ROBO1: variants seen among roughly 807,000 people sequenced by gnomAD.
The protein encoded by ROBO1 is roundabout guidance receptor 1.
ROBO1 carries 149 observed loss-of-function variants against 195.9 expected under a neutral mutation model. The observed-to-expected ratio is 0.76, with a 90% CI of 0.67 to 0.87. The LOEUF (loss-of-function observed/expected upper bound fraction) is 0.87. Ranked by LOEUF, ROBO1 falls within the 40% of genes least tolerant of loss-of-function variation. The pLI, the probability that ROBO1 is intolerant of heterozygous loss-of-function variation, is 0.00. For synonymous variants in ROBO1, 816 were observed against 733.2 expected (o/e 1.11, Z -1.82); for missense variants, 1,933 against 2,068.3 (o/e 0.93, Z 1.27).
Position 78,810,914 on chromosome 3 carries a change from C to T in ROBO1, c.500-64014G>A, listed in dbSNP as rs2108626057. 2.0e-5 allele frequency among the ~76,000 whole-genome samples: 3 copies of T among 152,192 alleles called. No individual in the cohort carries two copies. In the Middle Eastern group the frequency reaches 0.01, roughly 521 times the overall value. On this transcript the variant is annotated intron_variant, in intron 4 of 30. Transcript: ENST00000464233. Reference sequence around the variant, plus strand: ...GCCTTTCCTTACCTTAGTAATTTTCCTACTTTCAATCAACCTGCTCAAGAA... The same window carrying T: ...GCCTTTCCTTACCTTAGTAATTTTCTTACTTTCAATCAACCTGCTCAAGAA...
chr3:79,551,888 T>TA (rs1161053862), intron 2 of ROBO1, among the ~76,000 whole-genome samples: 1 of 147,222 alleles, frequency 6.8e-6, no homozygotes, highest in Non-Finnish European at 1.5e-5. Context: ...GGTCAGGAAT[T>TA]AAAGTATTTT....
chr3:79,474,210 C>T (rs1333023255), intron 2 of ROBO1, among the ~76,000 whole-genome samples: 1 of 152,068 alleles, frequency 6.6e-6, no homozygotes, highest in Non-Finnish European at 1.5e-5. Context: ...CAAGTGTGTA[C>T]AAATTCCAAA....
chr3:79,688,713 A>C (rs1364157443), intron 1 of ROBO1, among the ~76,000 whole-genome samples: 1 of 152,122 alleles, frequency 6.6e-6, no homozygotes, highest in Admixed American at 6.6e-5. Flanking sequence ...AATTCAAATC[A>C]AAACTATCGC....
chr3:78,755,768 G>A (rs1166124846), intron 4 of ROBO1, among the ~76,000 whole-genome samples: 1 of 152,042 alleles, frequency 6.6e-6, no homozygotes, highest in Non-Finnish European at 1.5e-5. Context: ...CCTTCTACGA[G>A]GAGGAACAAC....
intron 2 of ROBO1, among the ~76,000 whole-genome samples, chr3:79,414,586 A>C (rs2037919696): frequency 6.6e-6 from 1 of 152,140 alleles, no homozygotes; most frequent in South Asian, 2.1e-4. Context: ...ACCTCATTAC[A>C]TTTATTCCTT....
At chr3:79,503,385 A>G (rs1463317636) in intron 2 of ROBO1, among the ~76,000 whole-genome samples, 1 of 152,200 alleles carries the variant, frequency 6.6e-6, no homozygotes, top group East Asian at 1.9e-4. Context: ...TGTGCTTTTA[A>G]GAACTGTACC....
intron 3 of ROBO1, among the ~76,000 whole-genome samples, chr3:79,067,153 G>GA (rs367741770): frequency 2.6e-5 from 4 of 152,064 alleles, no homozygotes; most frequent in Middle Eastern, 3.4e-3. Context: ...ACTCTCTGAA[G>GA]TTTTTCCAAT....
chr3:78,689,948 CTT>C (rs1387509864), intron 8 of ROBO1, among the ~76,000 whole-genome samples: 2 of 150,132 alleles, frequency 1.3e-5, no homozygotes, highest in African/African-American at 2.4e-5. Context: ...TTTTCTTTGA[CTT>C]AATATTTCTT....
At chr3:79,567,804 T>A (rs1228560313) in intron 2 of ROBO1, among the ~76,000 whole-genome samples, 1 of 152,144 alleles carries the variant, frequency 6.6e-6, no homozygotes, top group African/African-American at 2.4e-5. Flanking sequence ...CATTAGTCCA[T>A]GAATTATTAT....
intron 2 of ROBO1, among the ~76,000 whole-genome samples, chr3:79,461,847 T>A (rs1257943889): frequency 6.6e-6 from 1 of 152,102 alleles, no homozygotes; most frequent in Non-Finnish European, 1.5e-5. Flanking sequence ...AAATAGGAAA[T>A]GTTTCCAGAG....
intron 2 of ROBO1, among the ~76,000 whole-genome samples, chr3:79,293,031 T>C (rs535712158): frequency 6.6e-6 from 1 of 152,230 alleles, no homozygotes; most frequent in Non-Finnish European, 1.5e-5. Flanking sequence ...TGGTAGGCTA[T>C]TAATTACAAC....
chr3:78,752,228 CCAA>C (rs1358574385), intron 4 of ROBO1, among the ~76,000 whole-genome samples: 1 of 152,076 alleles, frequency 6.6e-6, no homozygotes, highest in Admixed American at 6.6e-5. Flanking sequence ...TGTCTGAACA[CCAA>C]CGTCATGCTG....
chr3:78,788,357 A>G (rs1229228317), intron 4 of ROBO1, among the ~76,000 whole-genome samples: 1 of 142,316 alleles, frequency 7.0e-6, no homozygotes, highest in Non-Finnish European at 1.5e-5. Flanking sequence ...TGACCTCGTG[A>G]TCCACCCGCC....
At chr3:78,969,898 CAGTG>C (rs1479831694) in intron 3 of ROBO1, among the ~76,000 whole-genome samples, 4 of 152,038 alleles carry the variant, frequency 2.6e-5, no homozygotes, top group Non-Finnish European at 4.4e-5. Context: ...GCTAAATACT[CAGTG>C]AGTTACGACT....
intron 8 of ROBO1, among the ~76,000 whole-genome samples, chr3:78,698,958 T>C (rs528330868): frequency 6.6e-6 from 1 of 152,254 alleles, no homozygotes; most frequent in South Asian, 2.1e-4. Flanking sequence ...TACCCAGCAA[T>C]CTACGACAAT....
intron 4 of ROBO1, among the ~76,000 whole-genome samples, chr3:78,791,575 T>G (rs2084022526): frequency 1.3e-5 from 2 of 152,166 alleles, no homozygotes; most frequent in Admixed American, 6.5e-5. Context: ...ATTCTGGTAT[T>G]ACATTATTTC....
At chr3:79,435,801 A>G (rs1452340669) in intron 2 of ROBO1, among the ~76,000 whole-genome samples, 2 of 152,168 alleles carry the variant, frequency 1.3e-5, no homozygotes, top group Non-Finnish European at 2.9e-5. Context: ...CCTTCCTTTG[A>G]TAGCTCCTCA....
At chr3:78,954,344 A>G (rs1201063541) in intron 3 of ROBO1, among the ~76,000 whole-genome samples, 1 of 152,038 alleles carries the variant, frequency 6.6e-6, no homozygotes, top group Non-Finnish European at 1.5e-5. Context: ...AATATTACTG[A>G]GTGAATAGTC....
intron 3 of ROBO1, among the ~76,000 whole-genome samples, chr3:78,992,101 C>T (rs1005228427): frequency 2.0e-5 from 3 of 152,138 alleles, no homozygotes; most frequent in African/African-American, 7.2e-5. Flanking sequence ...TGATAGAATG[C>T]TCCAGGATAA....
Sources: allele counts gnomAD v4.1 joint callset (sites outside exome capture counted in the v4.1 genomes callset), GRCh38; gene constraint gnomAD v4.1.1; transcripts MANE v1.5; gene names NCBI Gene and HGNC (gene_info 2026-07-23, HGNC 2026-07-21).